The following ADCY7 variants were observed in gnomAD, a reference collection of about 807,000 sequenced individuals.
ADCY7 encodes adenylate cyclase type 7.
ADCY7 carries 72 observed loss-of-function variants against 120.6 expected under a neutral mutation model. That is an observed-to-expected ratio of 0.60 (90% CI 0.49 to 0.73). ADCY7 has a LOEUF of 0.73. ADCY7 is among the 30% of genes least tolerant of loss of function. The probability of loss-of-function intolerance (pLI) is 0.00; values close to 1 mark genes in which losing one functional copy is unlikely to be tolerated. For missense variants in ADCY7, 1,227 were observed against 1,486.0 expected (o/e 0.83, Z 2.87); for synonymous variants, 661 against 628.0 (o/e 1.05, Z -0.78).
At chr16:50,273,523 C>T (rs920599303) in intron 1 of ADCY7, among the ~76,000 whole-genome samples, 1 of 152,216 alleles carries the variant, frequency 6.6e-6, no homozygotes, top group African/African-American at 2.4e-5. Context: ...TGGCACTTGG[C>T]AGATGGGGGT....
Position 50,314,001 on chromosome 16 carries a change from C to G in ADCY7, c.2795C>G (p.Thr932Ser). ...TTCAGCGGCGTGGAGAAGATCAAGACCATCGGCAGCACGTACATGGCAGCT... is the reference window on the plus strand; with the variant it reads ...TTCAGCGGCGTGGAGAAGATCAAGAGCATCGGCAGCACGTACATGGCAGCT... ...PKFSGVEKIK[T>S]IGSTYMAAAG... is the part of the protein sequence containing the mutation. The change falls in exon 23 of 26, where the codon ACC (threonine) becomes AGC (serine). Residue 932 changes from threonine (T) to serine (S), a missense_variant. Transcript: ENST00000673801. 6.2e-7 allele frequency: 1 copy of G among 1,614,180 alleles called. No individual in the cohort carries two copies. The highest frequency in any genetic ancestry group is 1.3e-5 in the African/African-American group (1 of 75,044).
chr16:50,311,920 T>A, intron 20 of ADCY7, 116 bp from the exon 21 acceptor site: 1 of 1,498,016 alleles, frequency 6.7e-7, no homozygotes, highest in East Asian at 2.3e-5. Flanking sequence ...AAAGCACTGG[T>A]CCCCTGGCCA....
intron 5 of ADCY7, among the ~76,000 whole-genome samples, chr16:50,293,035 C>T (rs1051171941): frequency 3.3e-5 from 5 of 152,126 alleles, no homozygotes; most frequent in Non-Finnish European, 7.4e-5. Flanking sequence ...GTCCTGGGCA[C>T]GCAGTCCCCA....
At chr16:50,290,823 A>G (rs2034902869) in intron 3 of ADCY7, among the ~76,000 whole-genome samples, 163 bp downstream of exon 3, 1 of 152,096 alleles carries the variant, frequency 6.6e-6, no homozygotes, top group South Asian at 2.1e-4. Context: ...GACAGGGCTG[A>G]GGTGGGGAGA....
intron 17 of ADCY7, chr16:50,309,307 TC>T: frequency 2.1e-6 from 1 of 481,022 alleles, no homozygotes; most frequent in Non-Finnish European, 3.7e-6. Context: ...TCCCGGCCCC[TC>T]CCCCTGGCTG....
At position 50,297,683 on chromosome 16, in the gene ADCY7, C is replaced by G. The variant is rs2035445071; in HGVS notation, c.949-1221C>G. Among the ~76,000 whole-genome samples, 2 of 152,168 alleles carry G rather than the reference C, an allele frequency of 1.3e-5. No homozygotes were observed. Among genetic ancestry groups the G allele is most frequent in the African/African-American group, 4.8e-5 (2 of 41,438 alleles). Reference sequence around the variant, plus strand: ...CTGGTGCTGTGTCTGGGGCCTGGGTCTGTGATGGCTGATGGGCACAGAGTA... The same window carrying G: ...CTGGTGCTGTGTCTGGGGCCTGGGTGTGTGATGGCTGATGGGCACAGAGTA... On this transcript the variant is annotated intron_variant, in intron 7 of 25. Coordinates refer to ENST00000673801, the MANE Select transcript of ADCY7 (RefSeq NM_001114.5). This position sits in a 1 kb window ranked among gnomAD's most constrained non-coding sequence, Gnocchi z 4.4.
intron 4 of ADCY7, among the ~76,000 whole-genome samples, chr16:50,292,255 T>G (rs964603516): frequency 1.3e-5 from 2 of 152,194 alleles, no homozygotes; most frequent in Non-Finnish European, 2.9e-5. Flanking sequence ...GGCACTGCCT[T>G]GTGTCTTTGT....
intron 1 of ADCY7, among the ~76,000 whole-genome samples, chr16:50,252,172 T>G (rs1382420695): frequency 6.6e-6 from 1 of 152,158 alleles, no homozygotes; most frequent in Admixed American, 6.5e-5. Flanking sequence ...AGGCAGTCCT[T>G]TCTCTGTGCC....
Position 50,308,529 on chromosome 16 carries a change from C to T in ADCY7, c.1935+118C>T. 3.2e-6 allele frequency: 5 copies of T among 1,561,314 alleles called. No homozygotes were observed. In the South Asian group the frequency reaches 3.6e-5, roughly 11 times the overall value. ...CCCTGCTCTGGTCAAGGTTGGGTGC[C>T]CATCTCTCCTGCCTCGGGGACAATT... On this transcript the variant is annotated intron_variant, in intron 16 of 25. Coordinates refer to ENST00000673801, the MANE Select transcript of ADCY7 (RefSeq NM_001114.5).
chr16:50,305,764 C>A lies in ADCY7; in HGVS notation c.1680-13C>A. ...CCCAGCCCCCATCTCACCGCAGCTG[C>A]CCCCGCCCACAGGCCCTGCTGCTCC... On this transcript the variant is annotated splice_polypyrimidine_tract_variant and intron_variant, in intron 13 of 25. Coordinates refer to ENST00000673801, the MANE Select transcript of ADCY7 (RefSeq NM_001114.5). 6.2e-7 allele frequency: 1 copy of A among 1,613,016 alleles called. No individual in the cohort carries two copies. The highest frequency in any genetic ancestry group is 8.5e-7 in the Non-Finnish European group (1 of 1,179,186).
At position 50,288,175 on chromosome 16, in the gene ADCY7, G is replaced by A; in HGVS notation, c.-5G>A. On this transcript the variant is annotated 5_prime_UTR_variant, in exon 2 of 26. Transcript: ENST00000673801. ...CCTTAACGACACGCGTGCCAAGGGT[G>A]GAGGATGCCAGCCAAGGGGCGCTAC... 2 of 1,546,354 alleles carry A rather than the reference G, an allele frequency of 1.3e-6. No individual in the cohort carries two copies. The highest frequency in any genetic ancestry group is 1.7e-6 in the Non-Finnish European group (2 of 1,144,012).
At chr16:50,271,879 C>T (rs2033597764) in intron 1 of ADCY7, among the ~76,000 whole-genome samples, 1 of 152,204 alleles carries the variant, frequency 6.6e-6, no homozygotes, top group South Asian at 2.1e-4. Context: ...CCCCCTTGGC[C>T]TTGCTTTGAG....
rs763280496 is a variant in ADCY7 at position 50,313,040 on chromosome 16, C to T, written c.2751+4C>T. ...GATCATTGCCGACTTCGACGAGGTA[C>T]AGCCTCTAGCCCAGCCTTGCGCAGC... is the stretch of plus-strand genomic sequence containing the variant. On this transcript the variant is annotated splice_donor_region_variant and intron_variant, in intron 22 of 25. Transcript: ENST00000673801. The T allele has an allele frequency of 2.5e-6, 4 of 1,614,042 alleles. No individual in the cohort carries two copies. The highest frequency in any genetic ancestry group is 1.7e-5 in the Admixed American group (1 of 60,020).
At chr16:50,293,558 C>A (rs190016227) in intron 6 of ADCY7, 56 bp downstream of exon 6, 1 of 1,581,434 alleles carries the variant, frequency 6.3e-7, no homozygotes, top group South Asian at 1.1e-5. Context: ...ACCGTTCCAC[C>A]GGCCCCCAGG....
rs777013802 is a variant in ADCY7 at position 50,315,365 on chromosome 16, G to A, written c.3103G>A (p.Glu1035Lys). Residue 1035 changes from glutamate to lysine, a missense_variant, in exon 26 of 26, where the codon GAG becomes AAG. Transcript: ENST00000673801. ...TGELGKIQVT[E>K]ETCTILQGLG... ...GGTCTCTCTTCCTTTTCAGGTTACC[G>A]AGGAGACCTGCACCATCCTCCAGGG... The A allele has an allele frequency of 3.5e-5, 57 of 1,606,174 alleles. No individual in the cohort carries two copies. Among genetic ancestry groups the A allele is most frequent in the Admixed American group, 1.7e-4 (10 of 59,822 alleles).
chr16:50,315,621 T>C lies in ADCY7; in HGVS notation c.*116T>C. ...AAAGGCATGCAGATGGCTGTGCATG[T>C]TGGCTTCTTTGGACCTGCACTGGAG... On this transcript the variant is annotated 3_prime_UTR_variant, in exon 26 of 26. Transcript: ENST00000673801. The C allele has an allele frequency of 1.5e-6, 2 of 1,306,004 alleles. No individual in the cohort carries two copies. Among genetic ancestry groups the C allele is most frequent in the South Asian group, 2.8e-5 (2 of 70,850 alleles). The allele number at this position is 1,306,004 out of a possible 1,614,324, so 80.9% of individuals were successfully genotyped here.
chr16:50,313,060 C>G, intron 22 of ADCY7, 24 bp downstream of exon 22: 5 of 1,612,782 alleles, frequency 3.1e-6, no homozygotes, highest in African/African-American at 1.3e-5. Flanking sequence ...CCCAGCCTTG[C>G]GCAGCAGCCC....
rs2033227194 is a variant in ADCY7, at chr16:50,266,618, G to C, written c.-331G>C. On this transcript the variant is annotated 5_prime_UTR_variant, in exon 1 of 26. Transcript: ENST00000673801. ...CCTGGGCGCGTCTGAGGAAGGGCAG[G>C]CGGGGGCCGGGCCACCTCCCTGCAG... The C allele has an allele frequency of 6.5e-6, 1 of 153,830 alleles. No homozygotes were observed. Among genetic ancestry groups the C allele is most frequent in the Non-Finnish European group, 1.5e-5 (1 of 68,782 alleles). The allele number at this position is 153,830 out of a possible 1,614,324, so 9.5% of individuals were successfully genotyped here.
In ADCY7 at chr16:50,291,804, C is replaced by T. The variant is rs369008187; in HGVS notation, c.444C>T (p.Val148=). 2.7e-5 allele frequency: 43 copies of T among 1,613,990 alleles called. No individual in the cohort carries two copies. Among genetic ancestry groups the T allele is most frequent in the African/African-American group, 1.1e-4 (8 of 74,936 alleles). The change falls in exon 4 of 26, where the codon GTC becomes GTT. Residue 148 remains valine, a synonymous_variant. Coordinates refer to ENST00000673801, the MANE Select transcript of ADCY7 (RefSeq NM_001114.5). ...TGCCCTTCAGCATGCGGGGCGCTGT[C>T]GCCGTTGGGGCCGTCTCCACTGCCT... ...TLLPFSMRGA[V]AVGAVSTASH... is the part of the protein sequence containing the mutation.
Sources: allele counts gnomAD v4.1 joint callset (sites outside exome capture counted in the v4.1 genomes callset), GRCh38; gene constraint gnomAD v4.1.1; non-coding constraint Gnocchi (gnomAD v3.1); transcripts MANE v1.5; gene names NCBI Gene and HGNC (gene_info 2026-07-23, HGNC 2026-07-21).